Variants in SAMMSON observed in about 807,000 individuals in gnomAD.
SAMMSON encodes survival associated mitochondrial melanoma specific oncogenic non-coding RNA.
rs1258298314 is a variant in SAMMSON, at chr3:70,018,404, T to C, written n.417+4732T>C. Among the ~76,000 whole-genome samples, 15 of 152,290 alleles carry C rather than the reference T, an allele frequency of 9.8e-5. No individual in the cohort carries two copies. In the South Asian group the frequency reaches 2.9e-3, roughly 29 times the overall value. On this transcript the variant is annotated intron_variant and non_coding_transcript_variant, in intron 3 of 9. Coordinates refer to ENST00000642114, the Ensembl canonical transcript of SAMMSON. ...TTATAGTATTTTATGGTAGTTTGTA[T>C]TTCTGTGGGATCGGTGGTGATATCC...
intron 4 of SAMMSON, among the ~76,000 whole-genome samples, chr3:70,236,168 A>C (rs1206591073): frequency 6.6e-6 from 1 of 152,212 alleles, no homozygotes; most frequent in East Asian, 1.9e-4. Flanking sequence ...TCTCCTTCGC[A>C]TAGATGACTG....
chr3:70,057,566 G>A (rs977601934), intron 3 of SAMMSON, among the ~76,000 whole-genome samples: 1 of 151,888 alleles, frequency 6.6e-6, no homozygotes. Flanking sequence ...AAAAACTGTA[G>A]CTAATTTTTC....
At position 70,165,116 on chromosome 3, in the gene SAMMSON, G is replaced by A. The variant is rs76333540; in HGVS notation, n.508-83991G>A. Among the ~76,000 whole-genome samples, 167 of 152,006 alleles carry A rather than the reference G, an allele frequency of 1.1e-3. 4 individuals carry two copies. The East Asian group carries it at 0.028, about 26-fold the overall frequency. On this transcript the variant is annotated intron_variant and non_coding_transcript_variant, in intron 4 of 9. Transcript: ENST00000642114. ...GAATTCTCTGGACATGTGGAGTAAG[G>A]GTTTGAGAATTTACTATGAACAATC...
At chr3:70,370,049 G>A (rs759680924) in intron 9 of SAMMSON, among the ~76,000 whole-genome samples, 3 of 151,330 alleles carry the variant, frequency 2.0e-5, no homozygotes, top group African/African-American at 4.9e-5. Context: ...TAGCCCCTAC[G>A]TATGAGTGAG....
At chr3:70,427,563 C>A (rs1354421502) in intron 2 of SAMMSON, among the ~76,000 whole-genome samples, 1 of 152,110 alleles carries the variant, frequency 6.6e-6, no homozygotes, top group South Asian at 2.1e-4. Context: ...CACGGTGAAA[C>A]CCCGTCTCTA....
chr3:70,036,633 G>A (rs2067086190), intron 3 of SAMMSON, among the ~76,000 whole-genome samples: 2 of 152,130 alleles, frequency 1.3e-5, no homozygotes, highest in Admixed American at 6.6e-5. Flanking sequence ...CTATAGCCAT[G>A]TGACTGCCAC....
chr3:70,361,805 A>G (rs1702873008), intron 9 of SAMMSON, among the ~76,000 whole-genome samples: 1 of 152,204 alleles, frequency 6.6e-6, no homozygotes, highest in East Asian at 1.9e-4. Flanking sequence ...AGGCAACATC[A>G]TTCTTTTAAC....
chr3:70,055,886 T>G (rs2067165090), intron 3 of SAMMSON, among the ~76,000 whole-genome samples: 1 of 152,158 alleles, frequency 6.6e-6, no homozygotes, highest in South Asian at 2.1e-4. Flanking sequence ...GCCTAGCCAA[T>G]ACCTACCTCA....
chr3:70,265,868 A>C (rs532369030), intron 6 of SAMMSON, among the ~76,000 whole-genome samples: 36 of 152,188 alleles, frequency 2.4e-4, no homozygotes, highest in Non-Finnish European at 4.6e-4. Flanking sequence ...TAAAACCATC[A>C]GATCTCATGA....
intron 6 of SAMMSON, among the ~76,000 whole-genome samples, chr3:70,257,702 G>A (rs549482837): frequency 1.1e-3 from 160 of 152,206 alleles, no homozygotes; most frequent in African/African-American, 3.5e-3. Context: ...TTCATGCATC[G>A]GAAGACTCAA....
At chr3:70,388,135 G>T (rs1047170696) in intron 9 of SAMMSON, among the ~76,000 whole-genome samples, 6 of 152,132 alleles carry the variant, frequency 3.9e-5, no homozygotes, top group African/African-American at 1.4e-4. Flanking sequence ...ACTCTGAGAA[G>T]ATGCATAATA....
At chr3:70,300,737 T>A (rs189134344) in intron 7 of SAMMSON, among the ~76,000 whole-genome samples, 243 of 152,196 alleles carry the variant, frequency 1.6e-3, no homozygotes, top group African/African-American at 5.6e-3. Flanking sequence ...ACAAGTAATG[T>A]TACAAAACCC....
chr3:70,140,642 C>A (rs1465631218), intron 4 of SAMMSON, among the ~76,000 whole-genome samples: 2 of 152,124 alleles, frequency 1.3e-5, no homozygotes, highest in Non-Finnish European at 2.9e-5. Context: ...AGGTAATTAG[C>A]AGTGATTCTA....
chr3:70,249,629 T>G (rs1040543079), exon 6 of SAMMSON: 4 of 152,102 alleles, frequency 2.6e-5, no homozygotes, highest in South Asian at 4.1e-4. Context: ...AAATGTAATG[T>G]TTTGGTCATG....
chr3:70,043,229 G>C (rs951790819), intron 3 of SAMMSON, among the ~76,000 whole-genome samples: 6 of 152,050 alleles, frequency 3.9e-5, no homozygotes, highest in African/African-American at 1.4e-4. Context: ...AAAACCGAAA[G>C]CATCCTTGAG....
intron 3 of SAMMSON, among the ~76,000 whole-genome samples, chr3:70,039,268 CT>C (rs1415939824): frequency 1.3e-5 from 2 of 152,040 alleles, no homozygotes; most frequent in Admixed American, 1.3e-4. Flanking sequence ...TGGGGAGGGA[CT>C]GGGAGGAACC....
intron 2 of SAMMSON, among the ~76,000 whole-genome samples, chr3:70,013,149 G>A (rs1305876059): frequency 2.0e-5 from 3 of 151,884 alleles, no homozygotes; most frequent in African/African-American, 4.8e-5. Context: ...TATAGTAAAT[G>A]TGATGATGAT....
chr3:70,052,131 G>T (rs1163979725), intron 3 of SAMMSON, among the ~76,000 whole-genome samples: 1 of 151,880 alleles, frequency 6.6e-6, no homozygotes, highest in African/African-American at 2.4e-5. Flanking sequence ...AAAAGAGAGA[G>T]AATTTAAAAT....
chr3:70,092,902 G>GTTTTTTTT (rs5849939), intron 4 of SAMMSON, among the ~76,000 whole-genome samples: 2 of 138,176 alleles, frequency 1.4e-5, no homozygotes, highest in Non-Finnish European at 3.1e-5. Context: ...TAGTGTTTTT[G>GTTTTTTTT]TTTTTTTTTT....
Sources: gnomAD v4.1 joint callset for allele counts (sites outside exome capture counted in the v4.1 genomes callset) on GRCh38, gnomAD v4.1.1 for gene constraint, MANE v1.5 for transcripts, NCBI Gene and HGNC (gene_info 2026-07-23, HGNC 2026-07-21) for gene names.